The following BTBD9 variants were observed in gnomAD, a reference collection of about 807,000 sequenced individuals.
BTBD9 encodes the protein BTB domain containing 9, also known as BTB/POZ domain-containing protein 9.
Under a neutral mutation model 64.3 loss-of-function variants are expected in BTBD9, and 49 were observed. That is an observed-to-expected ratio of 0.76 (90% CI 0.61 to 0.97). The LOEUF (loss-of-function observed/expected upper bound fraction) is 0.97. Ranked by LOEUF, BTBD9 falls within the 50% of genes least tolerant of loss-of-function variation. BTBD9 has a pLI of 0.00. For missense variants in BTBD9, 598 were observed against 762.1 expected (o/e 0.78, Z 2.53); for synonymous variants, 260 against 274.7 (o/e 0.95, Z 0.53).
At position 38,502,137 on chromosome 6, in the gene BTBD9, T is replaced by A. The variant is rs182232387; in HGVS notation, c.1154+75463A>T. On this transcript the variant is annotated intron_variant, in intron 6 of 10. Transcript: ENST00000481247. ...CTGGACACCTGCCAGATGGGGATGT[T>A]GTAAAGGGGATTCAAATGTTGGCTT... 6.2e-4 allele frequency among the ~76,000 whole-genome samples: 95 copies of A among 152,266 alleles called. 1 individual carries two copies. The highest frequency in any genetic ancestry group is 4.9e-3 in the Admixed American group (75 of 15,294).
At chr6:38,180,337 A>G (rs557174404) in intron 10 of BTBD9, among the ~76,000 whole-genome samples, 15 of 152,056 alleles carry the variant, frequency 9.9e-5, no homozygotes, top group Non-Finnish European at 2.1e-4. Flanking sequence ...GCCCTTGGAG[A>G]GGAGTGTGAG....
rs560543399 is a variant in BTBD9 at position 38,200,639 on chromosome 6, T to C, written c.1563-8042A>G. Among the ~76,000 whole-genome samples, 8 of 152,172 alleles carry C rather than the reference T, an allele frequency of 5.3e-5. 1 individual carries two copies. In the South Asian group the frequency reaches 1.7e-3, roughly 32 times the overall value. On this transcript the variant is annotated intron_variant, in intron 9 of 10. Transcript: ENST00000481247. ...CATCAAAGACTATTCTGAACAACTA[T>C]ATGCTAACAAACTAGAAAACCTAGA...
intron 6 of BTBD9, among the ~76,000 whole-genome samples, chr6:38,536,526 C>T (rs1774029343): frequency 6.6e-6 from 1 of 152,080 alleles, no homozygotes; most frequent in Non-Finnish European, 1.5e-5. Flanking sequence ...TATCTGTACT[C>T]CCATATTTAC....
intron 9 of BTBD9, among the ~76,000 whole-genome samples, chr6:38,225,564 A>C (rs1206640853): frequency 6.6e-6 from 1 of 152,252 alleles, no homozygotes; most frequent in Non-Finnish European, 1.5e-5. Context: ...GAATGTAGAT[A>C]TGAACAAAGC....
At chr6:38,606,251 T>C (rs1179417195) in intron 1 of BTBD9, among the ~76,000 whole-genome samples, 1 of 152,158 alleles carries the variant, frequency 6.6e-6, no homozygotes, top group Non-Finnish European at 1.5e-5. Flanking sequence ...GGACTTCACC[T>C]TGTGATCGTG....
chr6:38,601,254 A>T (rs1777230111), intron 1 of BTBD9, among the ~76,000 whole-genome samples: 1 of 152,182 alleles, frequency 6.6e-6, no homozygotes, highest in Admixed American at 6.5e-5. Context: ...CACAGAAAAA[A>T]TTTATTTAGG....
chr6:38,204,877 A>G (rs1337085738), intron 9 of BTBD9, among the ~76,000 whole-genome samples: 1 of 152,218 alleles, frequency 6.6e-6, no homozygotes, highest in Non-Finnish European at 1.5e-5. Flanking sequence ...GATAAAAGGA[A>G]GCATTATTAC....
chr6:38,274,815 A>C (rs1765323242), intron 8 of BTBD9, among the ~76,000 whole-genome samples: 1 of 152,102 alleles, frequency 6.6e-6, no homozygotes, highest in Non-Finnish European at 1.5e-5. Flanking sequence ...ATCAATGTTC[A>C]TCAAGGATAT....
chr6:38,589,432 G>T (rs1264779001), intron 4 of BTBD9, among the ~76,000 whole-genome samples: 1 of 152,126 alleles, frequency 6.6e-6, no homozygotes, highest in Non-Finnish European at 1.5e-5. Context: ...GCAAGAGAGG[G>T]AAAGGAACTT....
At chr6:38,546,893 C>G (rs1215426371) in intron 6 of BTBD9, among the ~76,000 whole-genome samples, 1 of 152,166 alleles carries the variant, frequency 6.6e-6, no homozygotes, top group Admixed American at 6.5e-5. Flanking sequence ...GTCTCGAACT[C>G]CCGACCTCAG....
chr6:38,619,151 C>T (rs541522368), intron 1 of BTBD9, among the ~76,000 whole-genome samples: 521 of 152,260 alleles, frequency 3.4e-3, no homozygotes, highest in Admixed American at 6.2e-3. Flanking sequence ...TCACCTGACT[C>T]CCTCAAGGAT....
At chr6:38,336,685 C>A (rs1035215974) in intron 7 of BTBD9, among the ~76,000 whole-genome samples, 3 of 152,058 alleles carry the variant, frequency 2.0e-5, no homozygotes, top group Admixed American at 1.3e-4. Context: ...TATCCCTGAC[C>A]CAATTTATAC....
intron 7 of BTBD9, among the ~76,000 whole-genome samples, chr6:38,310,871 C>T (rs553557085): frequency 7.2e-5 from 11 of 152,188 alleles, no homozygotes; most frequent in Non-Finnish European, 1.5e-4. Flanking sequence ...AGTGCAGTGG[C>T]GTGATCTTGA....
rs1289398827 is a variant in BTBD9 at position 38,594,245 on chromosome 6, T to C, written c.268A>G (p.Met90Val). The change falls in exon 3 of 11, where the codon ATG becomes GTG. Residue 90 changes from methionine to valine, a missense_variant. Physicochemically the swap from Met to Val is conservative, Grantham distance 21 (BLOSUM62 1). Transcript: ENST00000481247. ...CCAGTGTAGATATATTTGAGTAGCA[T>C]TGTGAATGCTTCTGCAGTGGTGTCT... ...LQDTTAEAFT[M>V]LLKYIYTGRA... 3.7e-6 allele frequency: 6 copies of C among 1,614,222 alleles called. No individual in the cohort carries two copies. Among genetic ancestry groups the C allele is most frequent in the East Asian group, 2.2e-5 (1 of 44,882 alleles).
intron 6 of BTBD9, among the ~76,000 whole-genome samples, chr6:38,466,565 A>G (rs1582476979): frequency 6.6e-6 from 1 of 150,902 alleles, no homozygotes; most frequent in Non-Finnish European, 1.5e-5. Flanking sequence ...ATTGCTAGGG[A>G]TTACAGGCAT....
chr6:38,390,000 G>T (rs1007580129), intron 6 of BTBD9, among the ~76,000 whole-genome samples: 5 of 152,084 alleles, frequency 3.3e-5, no homozygotes, highest in African/African-American at 1.2e-4. Flanking sequence ...TATAAAATAC[G>T]AGGTTATAGG....
intron 6 of BTBD9, among the ~76,000 whole-genome samples, chr6:38,493,939 G>A (rs959820597): frequency 6.6e-6 from 1 of 152,164 alleles, no homozygotes; most frequent in Non-Finnish European, 1.5e-5. Flanking sequence ...AAATTACACA[G>A]CATTAAACAT....
intron 6 of BTBD9, among the ~76,000 whole-genome samples, chr6:38,474,162 G>A (rs1770776570): frequency 6.6e-6 from 1 of 152,164 alleles, no homozygotes. Context: ...TCTAACTGCT[G>A]AGTAGAAAAT....
intron 6 of BTBD9, among the ~76,000 whole-genome samples, chr6:38,561,631 C>A (rs574130323): frequency 2.0e-5 from 3 of 152,176 alleles, no homozygotes; most frequent in East Asian, 1.9e-4. Flanking sequence ...AGAATGAAAT[C>A]ATGTCCCTTG....
Sources: gnomAD v4.1 joint callset for allele counts (sites outside exome capture counted in the v4.1 genomes callset) on GRCh38, gnomAD v4.1.1 for gene constraint, MANE v1.5 for transcripts, NCBI Gene and HGNC (gene_info 2026-07-23, HGNC 2026-07-21) for gene names.